Variants in JAZF1 observed in about 807,000 individuals in gnomAD.
JAZF1 encodes the protein juxtaposed with another zinc finger protein 1.
Under a neutral mutation model 26.4 loss-of-function variants are expected in JAZF1, and 8 were observed. The ratio of observed to expected loss-of-function variants is 0.30; its 90% confidence interval spans 0.18 to 0.55. JAZF1 has a LOEUF of 0.55. Among genes scored for constraint, JAZF1 ranks in the 20% least tolerant of loss-of-function variants. JAZF1 has a pLI of 0.94. For missense variants in JAZF1, 199 were observed against 322.0 expected, an observed-to-expected ratio of 0.62 and a Z score of 2.92; for synonymous variants, 126 against 122.3, an observed-to-expected ratio of 1.03 and a Z score of -0.20.
chr7:28,007,666 T>TGGCA (rs1782727638), intron 1 of JAZF1, among the ~76,000 whole-genome samples: 1 of 152,208 alleles, frequency 6.6e-6, no homozygotes, highest in Admixed American at 6.5e-5. Flanking sequence ...ATTGCCATGG[T>TGGCA]GGCAGGAATC....
intron 2 of JAZF1, among the ~76,000 whole-genome samples, chr7:27,939,732 T>C (rs997564722): frequency 3.9e-5 from 6 of 152,358 alleles, no homozygotes; most frequent in Non-Finnish European, 7.4e-5. Flanking sequence ...GTTGCTTTTC[T>C]TGGGCACTCG....
intron 1 of JAZF1, among the ~76,000 whole-genome samples, chr7:28,124,629 A>G (rs1354660921): frequency 1.3e-5 from 2 of 152,236 alleles, no homozygotes; most frequent in Non-Finnish European, 2.9e-5. Context: ...CTTCAGTTCA[A>G]AAGACCAAAG....
chr7:27,941,325 A>G (rs548190076), intron 2 of JAZF1, among the ~76,000 whole-genome samples: 1 of 152,196 alleles, frequency 6.6e-6, no homozygotes. Context: ...CTTTTTGCCA[A>G]TATCAGTGCA....
At chr7:28,054,852 C>T (rs747543981) in intron 1 of JAZF1, among the ~76,000 whole-genome samples, 6 of 151,964 alleles carry the variant, frequency 3.9e-5, no homozygotes, top group Admixed American at 6.6e-5. Flanking sequence ...AGACGGCTGG[C>T]GCTAGGTAGG....
intron 3 of JAZF1, among the ~76,000 whole-genome samples, chr7:27,856,080 T>C (rs565184248): frequency 4.6e-5 from 7 of 152,328 alleles, no homozygotes; most frequent in African/African-American, 1.4e-4. Context: ...TTGGTCTCAC[T>C]GACTTCAAGA....
chr7:28,129,043 C>T (rs117480690), intron 1 of JAZF1, among the ~76,000 whole-genome samples: 12 of 152,142 alleles, frequency 7.9e-5, no homozygotes, highest in Non-Finnish European at 1.3e-4. Flanking sequence ...TGTTTTTATG[C>T]AAGACTCTTT....
chr7:28,049,867 C>G (rs1783581104), intron 1 of JAZF1, among the ~76,000 whole-genome samples: 1 of 152,178 alleles, frequency 6.6e-6, no homozygotes, highest in East Asian at 1.9e-4. Context: ...CAGCACCTTT[C>G]TATGTTCACC....
chr7:27,857,468 C>T (rs898716034), intron 3 of JAZF1, among the ~76,000 whole-genome samples: 2 of 152,214 alleles, frequency 1.3e-5, no homozygotes, highest in African/African-American at 4.8e-5. Context: ...AACAGTGCAG[C>T]GGCAGGCTGA....
chr7:27,835,490 CCA>C (rs1158922000), intron 4 of JAZF1, among the ~76,000 whole-genome samples: 1 of 152,150 alleles, frequency 6.6e-6, no homozygotes, highest in African/African-American at 2.4e-5. Flanking sequence ...ACAGCCAACA[CCA>C]CACACACATC....
chr7:27,955,726 C>A (rs1027853394), intron 2 of JAZF1, among the ~76,000 whole-genome samples: 1 of 152,182 alleles, frequency 6.6e-6, no homozygotes, highest in Non-Finnish European at 1.5e-5. Context: ...AGTTTTTACA[C>A]AATAATGTCA....
rs568369062 is a variant in JAZF1, at chr7:27,982,331, G to A, written c.188+9578C>T. Among the ~76,000 whole-genome samples the A allele has an allele frequency of 5.9e-5, 9 of 152,328 alleles. No individual in the cohort carries two copies. In the South Asian group the frequency reaches 1.2e-3, roughly 21 times the overall value. ...CCGCGCATGGCTCAGAGGGTCCCAC[G>A]CCCATGGAGCCTCACTCACTGCTAG... On this transcript the variant is annotated intron_variant, in intron 2 of 4. Transcript: ENST00000283928.
chr7:28,103,772 T>C (rs994651295), intron 1 of JAZF1, among the ~76,000 whole-genome samples: 14 of 152,176 alleles, frequency 9.2e-5, no homozygotes, highest in Admixed American at 9.2e-4. Context: ...ACTGGTTATC[T>C]TGTTACTGGA....
intron 1 of JAZF1, among the ~76,000 whole-genome samples, chr7:28,104,421 A>G (rs1049093363): frequency 2.6e-5 from 4 of 152,222 alleles, no homozygotes; most frequent in Non-Finnish European, 5.9e-5. Context: ...AATACTAGGC[A>G]CTCAATAAAT....
At chr7:28,116,538 C>A (rs767084182) in intron 1 of JAZF1, among the ~76,000 whole-genome samples, 6 of 151,586 alleles carry the variant, frequency 4.0e-5, no homozygotes, top group African/African-American at 1.2e-4. Flanking sequence ...TCCACCTCCC[C>A]GGTTCAAGCA....
At chr7:28,055,639 C>A (rs1332843899) in intron 1 of JAZF1, among the ~76,000 whole-genome samples, 1 of 152,170 alleles carries the variant, frequency 6.6e-6, no homozygotes, top group Non-Finnish European at 1.5e-5. Flanking sequence ...TTACTACATA[C>A]AATGTAAGCT....
At chr7:27,915,613 T>A (rs576078504) in intron 2 of JAZF1, among the ~76,000 whole-genome samples, 1 of 152,324 alleles carries the variant, frequency 6.6e-6, no homozygotes, top group East Asian at 1.9e-4. Context: ...GTGCAAAGTT[T>A]CACTGATGTT....
chr7:28,097,721 G>GA (rs1218612482), intron 1 of JAZF1, among the ~76,000 whole-genome samples: 1 of 152,178 alleles, frequency 6.6e-6, no homozygotes, highest in Non-Finnish European at 1.5e-5. Flanking sequence ...GAATGAAGGG[G>GA]AAGGTTCGGG....
At chr7:28,047,241 T>A (rs753689480) in intron 1 of JAZF1, among the ~76,000 whole-genome samples, 1 of 152,282 alleles carries the variant, frequency 6.6e-6, no homozygotes, top group African/African-American at 2.4e-5. Context: ...GGATTCTCCA[T>A]AGGATATTTT....
intron 2 of JAZF1, among the ~76,000 whole-genome samples, chr7:27,909,881 T>G (rs980300959): frequency 6.6e-6 from 1 of 152,176 alleles, no homozygotes; most frequent in African/African-American, 2.4e-5. Flanking sequence ...ATATACGGAT[T>G]TTTAAAAATG....
Sources: allele counts gnomAD v4.1 joint callset (sites outside exome capture counted in the v4.1 genomes callset), GRCh38; gene constraint gnomAD v4.1.1; transcripts MANE v1.5; gene names NCBI Gene and HGNC (gene_info 2026-07-23, HGNC 2026-07-21).